The following GHSR variants were observed in gnomAD, a reference collection of about 807,000 sequenced individuals.
The protein encoded by GHSR is growth hormone secretagogue receptor type 1.
GHSR carries 17 observed loss-of-function variants against 24.0 expected under a neutral mutation model. The ratio of observed to expected loss-of-function variants is 0.71; its 90% CI spans 0.49 to 1.06. GHSR has a LOEUF of 1.06. Among genes scored for constraint, GHSR ranks in the 50% least tolerant of loss-of-function variants. The pLI is 0.00. For synonymous variants in GHSR, 238 were observed against 208.1 expected (o/e 1.14, Z -1.24); for missense variants, 504 against 483.1 (o/e 1.04, Z -0.41).
Position 172,447,996 on chromosome 3 carries a change from C to G in GHSR, c.418G>C (p.Glu140Gln). 2 of 1,614,188 alleles carry G rather than the reference C, an allele frequency of 1.2e-6. No individual in the cohort carries two copies. Among genetic ancestry groups the G allele is most frequent in the Non-Finnish European group, 1.7e-6 (2 of 1,180,030 alleles). Residue 140 changes from glutamate (E) to glutamine (Q), a missense_variant, in exon 1 of 2, where the codon GAG becomes CAG. Transcript: ENST00000241256. ...GGGAAGCAGATGGCGAAGTAGCGCT[C>G]GACGCTCAGCGCTGTGATGGTGAGC... ...TVLTITALSV[E>Q]RYFAICFPLR... is the part of the protein sequence containing the mutation.
Position 172,445,024 on chromosome 3 carries a change from C to CTT in GHSR, c.*135_*136dup. ...ACTGCTCACACCCTACAAATGATAT[C>CTT]TTTTTTCCCTCCCAGATGTTTCTGG... is the stretch of plus-strand genomic sequence containing the variant. On this transcript the variant is annotated 3_prime_UTR_variant, in exon 2 of 2. Transcript: ENST00000241256. 1.0e-6 allele frequency: 1 copy of CTT among 954,774 alleles called. No individual in the cohort carries two copies. Among genetic ancestry groups the CTT allele is most frequent in the Non-Finnish European group, 1.7e-6 (1 of 605,302 alleles). 59.1% of individuals were successfully genotyped at this position (954,774 alleles called of 1,614,324 possible).
intron 1 of GHSR, 90 bp downstream of exon 1, chr3:172,447,527 GA>G: frequency 1.9e-6 from 3 of 1,565,622 alleles, no homozygotes; most frequent in South Asian, 2.4e-5. Context: ...GACTCAGGGG[GA>G]AATAGAGATG....
intron 1 of GHSR, among the ~76,000 whole-genome samples, chr3:172,446,967 C>T (rs1425464396): frequency 6.6e-6 from 1 of 152,152 alleles, no homozygotes; most frequent in Non-Finnish European, 1.5e-5. Flanking sequence ...GTATGAACAG[C>T]AGCAGGGTAA....
In GHSR at chr3:172,447,642, G is replaced by A. The variant is rs200280329; in HGVS notation, c.772C>T (p.His258Tyr). The A allele has an allele frequency of 8.7e-6, 14 of 1,613,972 alleles. No homozygotes were observed. The highest frequency in any genetic ancestry group is 1.6e-4 in the Middle Eastern group (1 of 6,084). ...CCCAGCATTTTCACGGTTTGCTTGT[G>A]GTTCTGGTCCCTGAGCGAGGCACCC... ...VVGASLRDQNHKQTVKMLAVV... is the reference protein window; with the variant it reads ...VVGASLRDQNYKQTVKMLAVV... Residue 258 changes from histidine (H) to tyrosine (Y), a missense_variant, in exon 1 of 2, where the codon CAC becomes TAC. Physicochemically the swap from His to Tyr is moderately conservative, Grantham distance 83. Coordinates refer to ENST00000241256, the MANE Select transcript of GHSR (RefSeq NM_198407.2).
In GHSR at chr3:172,445,288, ATGT is replaced by A; in HGVS notation, c.971_973del (p.Asn324del). The A allele has an allele frequency of 6.2e-7, 1 of 1,614,134 alleles. No individual in the cohort carries two copies. The highest frequency in any genetic ancestry group is 8.5e-7 in the Non-Finnish European group (1 of 1,180,014). ...TGCCACCCGGTACTTCTTGGACATG[ATGT>A]TGTACAGAATGGGGTTGATGGCAGC... On this transcript the variant is annotated inframe_deletion, in exon 2 of 2. Coordinates refer to ENST00000241256, the MANE Select transcript of GHSR (RefSeq NM_198407.2).
chr3:172,444,092 CCATAATTGT>C lies in GHSR; in HGVS notation c.*1060_*1068del, dbSNP rs754292678. Among the ~76,000 whole-genome samples, 2 of 151,990 alleles carry C rather than the reference CCATAATTGT, an allele frequency of 1.3e-5. No individual in the cohort carries two copies. Among genetic ancestry groups the C allele is most frequent in the African/African-American group, 4.8e-5 (2 of 41,386 alleles). ...GCCATATGAGGCAGTTTGTGATTACCCATAATTGTTTTAAAAAGTTTCATTTCCTGAATA... is the reference window on the plus strand; with the variant it reads ...GCCATATGAGGCAGTTTGTGATTACCTTTAAAAAGTTTCATTTCCTGAATA... On this transcript the variant is annotated 3_prime_UTR_variant, in exon 2 of 2. Coordinates refer to ENST00000241256, the MANE Select transcript of GHSR (RefSeq NM_198407.2).
chr3:172,445,409 A>T lies in GHSR; in HGVS notation c.853T>A (p.Leu285Ile). Residue 285 changes from leucine (L) to isoleucine (I), a missense_variant, in exon 2 of 2, where the codon TTA becomes ATA. Physicochemically the swap from Leu to Ile is conservative, Grantham distance 5. Coordinates refer to ENST00000241256, the MANE Select transcript of GHSR (RefSeq NM_198407.2). ...CWLPFHVGRYLFSKSFEPGSL... is the reference protein window; with the variant it reads ...CWLPFHVGRYIFSKSFEPGSL... The stretch of plus-strand genomic sequence containing the variant: ...CCAGGCTCAAAGGATTTGGAAAATA[A>T]ATATCGCCCTACGTGGAAGGGGAGC... 1 of 1,614,132 alleles carries T rather than the reference A, an allele frequency of 6.2e-7. No homozygotes were observed. Among genetic ancestry groups the T allele is most frequent in the Non-Finnish European group, 8.5e-7 (1 of 1,180,044 alleles).
chr3:172,445,205 C>A lies in GHSR; in HGVS notation c.1057G>T (p.Asp353Tyr). 1 of 1,614,134 alleles carries A rather than the reference C, an allele frequency of 6.2e-7. No individual in the cohort carries two copies. The highest frequency in any genetic ancestry group is 8.5e-7 in the Non-Finnish European group (1 of 1,180,030). The change falls in exon 2 of 2, where the codon GAT (aspartate) becomes TAT (tyrosine). Residue 353 changes from aspartate (D) to tyrosine (Y), a missense_variant. Coordinates refer to ENST00000241256, the MANE Select transcript of GHSR (RefSeq NM_198407.2). ...TCTGTCCAGGCCCGAGAACTTTCAT[C>A]TTTCAGAGTGGAGAGCTTTCTCTGG... Reference protein sequence around the residue: ...FSQRKLSTLKDESSRAWTESS... With the variant: ...FSQRKLSTLKYESSRAWTESS...
rs1343941789 is a variant in GHSR, at chr3:172,445,437, G to C, written c.825C>G (p.Cys275Trp). 3 of 1,613,124 alleles carry C rather than the reference G, an allele frequency of 1.9e-6. No homozygotes were observed. The Admixed American group carries it at 5.0e-5, about 27-fold the overall frequency. ...ATCGCCCTACGTGGAAGGGGAGCCA[G>C]CAGAGGATGAAGGCAAACACCACTA... ...LAVVVFAFIL[C>W]WLPFHVGRYL... Residue 275 changes from cysteine to tryptophan, a missense_variant, in exon 2 of 2, where the codon TGC (cysteine) becomes TGG (tryptophan). Cys to Trp is a radical substitution (Grantham distance 215, BLOSUM62 -2). Coordinates refer to ENST00000241256, the MANE Select transcript of GHSR (RefSeq NM_198407.2).
In GHSR at chr3:172,448,006, C is replaced by A. The variant is rs770613307; in HGVS notation, c.408G>T (p.Ala136=). 1 of 1,614,216 alleles carries A rather than the reference C, an allele frequency of 6.2e-7. No individual in the cohort carries two copies. Among genetic ancestry groups the A allele is most frequent in the Non-Finnish European group, 8.5e-7 (1 of 1,180,036 alleles). The part of the protein sequence containing the change: ...CTYATVLTIT[A]LSVERYFAIC... The stretch of plus-strand genomic sequence containing the variant: ...TGGCGAAGTAGCGCTCGACGCTCAG[C>A]GCTGTGATGGTGAGCACCGTGGCGT... Residue 136 remains alanine, a synonymous_variant, in exon 1 of 2, where the codon GCG becomes GCT. Transcript: ENST00000241256. The surrounding 1 kb of genome is among the most constrained non-coding windows in gnomAD (Gnocchi z 4.8).
Position 172,444,316 on chromosome 3 carries a change from G to A in GHSR, c.*845C>T, listed in dbSNP as rs532071665. Among the ~76,000 whole-genome samples, 6 of 152,202 alleles carry A rather than the reference G, an allele frequency of 3.9e-5. No homozygotes were observed. Among genetic ancestry groups the A allele is most frequent in the African/African-American group, 1.4e-4 (6 of 41,536 alleles). ...TTTATTTTTAAACATTTCATATAAG[G>A]TGAATGATAAGTTTTGTATATACTC... On this transcript the variant is annotated 3_prime_UTR_variant, in exon 2 of 2. Coordinates refer to ENST00000241256, the MANE Select transcript of GHSR (RefSeq NM_198407.2).
chr3:172,444,077 G>A lies in GHSR; in HGVS notation c.*1084C>T, dbSNP rs1431557789. 6.6e-6 allele frequency among the ~76,000 whole-genome samples: 1 copy of A among 152,096 alleles called. No homozygotes were observed. The highest frequency in any genetic ancestry group is 2.4e-5 in the African/African-American group (1 of 41,416). On this transcript the variant is annotated 3_prime_UTR_variant, in exon 2 of 2. Coordinates refer to ENST00000241256, the MANE Select transcript of GHSR (RefSeq NM_198407.2). Reference sequence around the variant, plus strand: ...CAAAATTTTTGTTAAGCCATATGAGGCAGTTTGTGATTACCCATAATTGTT... The same window carrying A: ...CAAAATTTTTGTTAAGCCATATGAGACAGTTTGTGATTACCCATAATTGTT...
rs1737435765 is a variant in GHSR, at chr3:172,445,440, G to C, written c.822C>G (p.Leu274=). ...MLAVVVFAFI[L]CWLPFHVGRY... ...GCCCTACGTGGAAGGGGAGCCAGCAGAGGATGAAGGCAAACACCACTACAG... is the reference window on the plus strand; with the variant it reads ...GCCCTACGTGGAAGGGGAGCCAGCACAGGATGAAGGCAAACACCACTACAG... Residue 274 remains leucine (L), a synonymous_variant, in exon 2 of 2, where the codon CTC becomes CTG. Transcript: ENST00000241256. The C allele has an allele frequency of 1.2e-6, 2 of 1,613,000 alleles. No homozygotes were observed. Among genetic ancestry groups the C allele is most frequent in the Non-Finnish European group, 1.7e-6 (2 of 1,179,902 alleles).
At position 172,445,080 on chromosome 3, in the gene GHSR, T is replaced by C; in HGVS notation, c.*81A>G. 1 of 1,509,432 alleles carries C rather than the reference T, an allele frequency of 6.6e-7. No individual in the cohort carries two copies. Among genetic ancestry groups the C allele is most frequent in the Admixed American group, 1.7e-5 (1 of 59,308 alleles). 93.5% of individuals were successfully genotyped at this position (1,509,432 alleles called of 1,614,324 possible). A position where few individuals can be genotyped will look rare whatever the true frequency, so the allele number is the denominator to read the frequency against. ...TGTGTTCCTAATTCCAAAATTAACC[T>C]TCAGCTTCCTCCCAAGTTCTGCTGT... On this transcript the variant is annotated 3_prime_UTR_variant, in exon 2 of 2. Transcript: ENST00000241256.
intron 1 of GHSR, among the ~76,000 whole-genome samples, chr3:172,446,531 C>T (rs1042266931): frequency 1.3e-5 from 2 of 152,152 alleles, no homozygotes; most frequent in African/African-American, 4.8e-5. Flanking sequence ...AATATGAAAT[C>T]ATCCTGGAAT....
rs1737538758 is a variant in GHSR, at chr3:172,448,331, T to C, written c.83A>G (p.Asp28Gly). The C allele has an allele frequency of 6.2e-7, 1 of 1,606,310 alleles. No individual in the cohort carries two copies. The highest frequency in any genetic ancestry group is 8.5e-7 in the Non-Finnish European group (1 of 1,179,792). Residue 28 changes from aspartate to glycine, a missense_variant, in exon 1 of 2, where the codon GAC (aspartate) becomes GGC (glycine). Coordinates refer to ENST00000241256, the MANE Select transcript of GHSR (RefSeq NM_198407.2). The surrounding 1 kb of genome is among the most constrained non-coding windows in gnomAD (Gnocchi z 4.8). ...DLDWDASPGN[D>G]SLGDELLQLF... is the part of the protein sequence containing the mutation. Reference sequence around the variant, plus strand: ...CTGCAGCAGCTCGTCGCCCAGCGAGTCGTTGCCGGGGGAAGCATCCCAGTC... The same window carrying C: ...CTGCAGCAGCTCGTCGCCCAGCGAGCCGTTGCCGGGGGAAGCATCCCAGTC...
rs762351324 is a variant in GHSR, at chr3:172,447,623, AT to A, written c.790del (p.Met264CysfsTer4). The A allele has an allele frequency of 9.5e-5, 154 of 1,613,738 alleles. No homozygotes were observed. The highest frequency in any genetic ancestry group is 1.2e-4 in the Non-Finnish European group (143 of 1,179,922). On this transcript the variant is annotated frameshift_variant, in exon 1 of 2. Transcript: ENST00000241256. LOFTEE classifies it high-confidence loss of function. ...RDQNHKQTVK[M>X]LAVVVFAFIL... ...GAGCGCGCGCTGAGACCCACCCAGCATTTTCACGGTTTGCTTGTGGTTCTGG... is the reference window on the plus strand; with the variant it reads ...GAGCGCGCGCTGAGACCCACCCAGCATTTCACGGTTTGCTTGTGGTTCTGG...
chr3:172,448,078 G>A lies in GHSR; in HGVS notation c.336C>T (p.Gly112=). 1 of 1,614,208 alleles carries A rather than the reference G, an allele frequency of 6.2e-7. No homozygotes were observed. Among genetic ancestry groups the A allele is most frequent in the Non-Finnish European group, 8.5e-7 (1 of 1,180,044 alleles). The part of the protein sequence containing the change: ...RLWQYRPWNF[G]DLLCKLFQFV... ...ATTGGAAGAGTTTGCAGAGGAGGTC[G>A]CCGAAGTTCCAGGGCCGGTACTGCC... Residue 112 remains glycine (G), a synonymous_variant, in exon 1 of 2, where the codon GGC becomes GGT. Transcript: ENST00000241256. The surrounding 1 kb of genome is among the most constrained non-coding windows in gnomAD (Gnocchi z 4.8).
intron 1 of GHSR, among the ~76,000 whole-genome samples, chr3:172,446,438 C>T (rs758510392): frequency 1.5e-4 from 23 of 152,092 alleles, no homozygotes; most frequent in African/African-American, 5.1e-4. Flanking sequence ...CGAGAATCAC[C>T]GGTCCAGAAA....
Sources: gnomAD v4.1 joint callset for allele counts (sites outside exome capture counted in the v4.1 genomes callset) on GRCh38, gnomAD v4.1.1 for gene constraint, Gnocchi (gnomAD v3.1) non-coding constraint, MANE v1.5 for transcripts, NCBI Gene and HGNC (gene_info 2026-07-23, HGNC 2026-07-21) for gene names.